KCNIP4: variants seen among roughly 807,000 people sequenced by gnomAD.
The protein encoded by KCNIP4 is Kv channel-interacting protein 4.
A neutral mutation model predicts 34.0 loss-of-function variants in KCNIP4; 12 were observed. That is an observed-to-expected ratio of 0.35 (90% CI 0.23 to 0.57). The LOEUF (loss-of-function observed/expected upper bound fraction) is 0.57. Among genes scored for constraint, KCNIP4 ranks in the 20% least tolerant of loss-of-function variants. The pLI, the probability that KCNIP4 is intolerant of heterozygous loss-of-function variation, is 0.83. For missense variants in KCNIP4, 238 were observed against 311.7 expected (o/e 0.76, Z 1.78); for synonymous variants, 124 against 102.2 (o/e 1.21, Z -1.29).
chr4:21,253,423 T>G (rs1488415125), intron 1 of KCNIP4, among the ~76,000 whole-genome samples: 1 of 152,208 alleles, frequency 6.6e-6, no homozygotes, highest in East Asian at 1.9e-4. Context: ...ATGGCCATAT[T>G]TGACACAGAA....
intron 1 of KCNIP4, among the ~76,000 whole-genome samples, chr4:21,650,004 C>T (rs144962914): frequency 3.9e-5 from 6 of 152,190 alleles, no homozygotes; most frequent in Non-Finnish European, 7.4e-5. Flanking sequence ...TCACGTGAAA[C>T]CATTGTGTGT....
chr4:21,931,751 G>A (rs1033751964), intron 1 of KCNIP4, among the ~76,000 whole-genome samples: 1 of 152,054 alleles, frequency 6.6e-6, no homozygotes, highest in Non-Finnish European at 1.5e-5. Context: ...GTGTGCATGT[G>A]TCTTTATAGC....
intron 1 of KCNIP4, among the ~76,000 whole-genome samples, chr4:21,394,936 C>T (rs1363621368): frequency 2.0e-5 from 3 of 149,386 alleles, no homozygotes; most frequent in East Asian, 3.9e-4. Flanking sequence ...TGACTGGGCT[C>T]ACAAAGCACT....
At position 21,904,737 on chromosome 4, in the gene KCNIP4, T is replaced by C. The variant is rs568111333; in HGVS notation, c.61+43834A>G. ...TAGACATTTTGGATGAAATCATTTT[T>C]TGTGGTAGGGGGTTGTCTTGACAAT... On this transcript the variant is annotated intron_variant, in intron 1 of 8. Transcript: ENST00000382152. Among the ~76,000 whole-genome samples, 10 of 152,264 alleles carry C rather than the reference T, an allele frequency of 6.6e-5. 1 individual carries two copies. The highest frequency in any genetic ancestry group is 6.2e-4 in the South Asian group (3 of 4,822).
chr4:21,756,823 G>A (rs1011045151), intron 1 of KCNIP4, among the ~76,000 whole-genome samples: 3 of 151,528 alleles, frequency 2.0e-5, no homozygotes, highest in Non-Finnish European at 4.4e-5. Context: ...TAGGCCAGGC[G>A]CAGTGGCTCA....
intron 1 of KCNIP4, among the ~76,000 whole-genome samples, chr4:21,192,952 C>CTAATAATAATAATAA (rs147687940): frequency 1.4e-5 from 2 of 145,100 alleles, no homozygotes; most frequent in African/African-American, 5.1e-5. Context: ...ACTACTACTA[C>CTAATAATAATAATAA]TAATAATAAT....
At chr4:20,946,293 C>A (rs1405707939) in intron 1 of KCNIP4, among the ~76,000 whole-genome samples, 1 of 152,136 alleles carries the variant, frequency 6.6e-6, no homozygotes, top group Non-Finnish European at 1.5e-5. Context: ...CAAATGAAAC[C>A]TTAAGGAGAA....
chr4:21,478,801 T>C (rs1313352688), intron 1 of KCNIP4, among the ~76,000 whole-genome samples: 2 of 152,198 alleles, frequency 1.3e-5, no homozygotes, highest in East Asian at 1.9e-4. Flanking sequence ...GGATCCCTTA[T>C]ACAGTTCTGA....
intron 1 of KCNIP4, among the ~76,000 whole-genome samples, chr4:21,579,985 CT>C (rs1410526067): frequency 2.6e-5 from 4 of 151,974 alleles, no homozygotes; most frequent in Non-Finnish European, 5.9e-5. Context: ...ATCAATGGAC[CT>C]TAACTACAGC....
intron 1 of KCNIP4, among the ~76,000 whole-genome samples, chr4:21,221,118 G>A (rs1757951838): frequency 1.3e-5 from 2 of 152,124 alleles, no homozygotes; most frequent in Admixed American, 1.3e-4. Context: ...AGTGGTTACT[G>A]ATGTTGCCCA....
intron 1 of KCNIP4, among the ~76,000 whole-genome samples, chr4:20,886,494 G>A (rs907590885): frequency 1.3e-4 from 20 of 152,298 alleles, no homozygotes; most frequent in African/African-American, 4.8e-4. Context: ...ACTAAGGGCT[G>A]GGATATGCAC....
At chr4:21,635,044 T>C (rs1304898981) in intron 1 of KCNIP4, among the ~76,000 whole-genome samples, 1 of 152,200 alleles carries the variant, frequency 6.6e-6, no homozygotes, top group Non-Finnish European at 1.5e-5. Flanking sequence ...CTGGGAAAGT[T>C]AGTCATCTAA....
At chr4:21,525,678 C>T (rs1010097874) in intron 1 of KCNIP4, among the ~76,000 whole-genome samples, 1 of 152,048 alleles carries the variant, frequency 6.6e-6, no homozygotes, top group Non-Finnish European at 1.5e-5. Flanking sequence ...CAAAAAGCAG[C>T]TCCTATTCTT....
intron 1 of KCNIP4, among the ~76,000 whole-genome samples, chr4:21,461,361 C>T (rs200780483): frequency 7.2e-5 from 11 of 151,892 alleles, no homozygotes; most frequent in South Asian, 4.2e-4. Context: ...TACCCAGTCT[C>T]GGGTAGTTCT....
At chr4:21,066,404 A>C (rs2108985575) in intron 1 of KCNIP4, among the ~76,000 whole-genome samples, 1 of 152,314 alleles carries the variant, frequency 6.6e-6, no homozygotes, top group East Asian at 1.9e-4. Context: ...CTTAAGAATC[A>C]AAAATCAGGT....
At chr4:21,859,801 A>G (rs549151769) in intron 1 of KCNIP4, among the ~76,000 whole-genome samples, 2 of 152,110 alleles carry the variant, frequency 1.3e-5, no homozygotes, top group East Asian at 3.9e-4. Flanking sequence ...AGCTGAGGTG[A>G]GAAGATCGCT....
chr4:21,009,095 A>G (rs1738835972), intron 1 of KCNIP4, among the ~76,000 whole-genome samples: 2 of 152,224 alleles, frequency 1.3e-5, no homozygotes, highest in Non-Finnish European at 2.9e-5. Flanking sequence ...TAAATTGCTC[A>G]TTGATCTGTG....
intron 1 of KCNIP4, among the ~76,000 whole-genome samples, chr4:21,095,472 A>G (rs959617862): frequency 6.6e-6 from 1 of 152,208 alleles, no homozygotes; most frequent in African/African-American, 2.4e-5. Flanking sequence ...TCTAATCTAA[A>G]TTATTTTTAA....
intron 1 of KCNIP4, among the ~76,000 whole-genome samples, chr4:21,049,185 C>T (rs1742714315): frequency 6.6e-6 from 1 of 151,458 alleles, no homozygotes; most frequent in Non-Finnish European, 1.5e-5. Flanking sequence ...CTCCTGACCT[C>T]GTGATCCGCC....
Sources: gnomAD v4.1 joint callset for allele counts (sites outside exome capture counted in the v4.1 genomes callset) on GRCh38, gnomAD v4.1.1 for gene constraint, MANE v1.5 for transcripts, NCBI Gene and HGNC (gene_info 2026-07-23, HGNC 2026-07-21) for gene names.